CFAP276: variants seen among roughly 807,000 people sequenced by gnomAD.
CFAP276 encodes cilia and flagella associated protein 276, also known as cilia- and flagella-associated protein 276.
At chr1:109,113,415 AAAGAGAGAGAGAGAGAGAG>A in the CFAP276 span, among the ~76,000 whole-genome samples, 2 of 113,750 alleles carry the variant, frequency 1.8e-5, no homozygotes, top group African/African-American at 7.2e-5. Context: ...AGAGAGAGAG[AAAGAGAGAGAGAGAGAGAG>A]AGAGAGAGAG....
the CFAP276 span, among the ~76,000 whole-genome samples, chr1:109,113,075 A>G: frequency 6.6e-6 from 1 of 152,154 alleles, no homozygotes; most frequent in African/African-American, 2.4e-5. Context: ...TTTCAAAGCC[A>G]TGAGAGAATG....
At chr1:109,113,416 AAGAGAGAGAGAGAGAGAGAGAGAGAG>A in the CFAP276 span, among the ~76,000 whole-genome samples, 9 of 68,080 alleles carry the variant, frequency 1.3e-4, no homozygotes, top group South Asian at 2.3e-3. Flanking sequence ...GAGAGAGAGA[AAGAGAGAGAGAGAGAGAGAGAGAGAG>A]AGAGAGAGAG....
At chr1:109,109,484 T>C in the CFAP276 span, among the ~76,000 whole-genome samples, 34 of 150,052 alleles carry the variant, frequency 2.3e-4, no homozygotes, top group African/African-American at 8.1e-4. Flanking sequence ...CTATCCAACA[T>C]TGTAATCCTC....
the CFAP276 span, among the ~76,000 whole-genome samples, chr1:109,108,201 G>A: frequency 6.6e-6 from 1 of 152,096 alleles, no homozygotes; most frequent in Non-Finnish European, 1.5e-5. Context: ...GGAGTGCAGT[G>A]GCGAGATCTC....
chr1:109,113,416 AAGAGAGAG>A, the CFAP276 span, among the ~76,000 whole-genome samples: 12,810 of 67,420 alleles, frequency 0.19, 1,402 homozygotes, highest in Non-Finnish European at 0.22. Context: ...GAGAGAGAGA[AAGAGAGAG>A]AGAGAGAGAG....
At chr1:109,113,745 G>C in the CFAP276 span, 8 of 1,562,976 alleles carry the variant, frequency 5.1e-6, no homozygotes, top group Non-Finnish European at 7.0e-6. Context: ...CCCCTGGCCC[G>C]AAAGGGCAGT....
chr1:109,111,889 TGCTATTGTCG>T, the CFAP276 span, among the ~76,000 whole-genome samples: 1 of 152,356 alleles, frequency 6.6e-6, no homozygotes, highest in South Asian at 2.1e-4. Context: ...CAAGCATTTT[TGCTATTGTCG>T]GTCTCTCTTT....
chr1:109,106,657 G>A, the CFAP276 span: 1 of 1,613,780 alleles, frequency 6.2e-7, no homozygotes, highest in Non-Finnish European at 8.5e-7. Flanking sequence ...TTGGATCTTG[G>A]TTCTAGAAGA....
chr1:109,107,528 G>A, the CFAP276 span, among the ~76,000 whole-genome samples: 1 of 152,156 alleles, frequency 6.6e-6, no homozygotes, highest in Non-Finnish European at 1.5e-5. Context: ...CTTTGGATTT[G>A]GTAGGATCTT....
chr1:109,106,049 ATCTT>A, the CFAP276 span: 3 of 1,613,858 alleles, frequency 1.9e-6, no homozygotes, highest in Middle Eastern at 1.7e-4. Context: ...AGAAGCCACC[ATCTT>A]TCTTTCGGGA....
the CFAP276 span, among the ~76,000 whole-genome samples, chr1:109,109,586 G>T: frequency 1.4e-5 from 2 of 138,680 alleles, no homozygotes; most frequent in African/African-American, 5.4e-5. Context: ...GCCCAGACTG[G>T]AGTACAGTGG....
chr1:109,109,841 G>A, the CFAP276 span, among the ~76,000 whole-genome samples: 15 of 152,174 alleles, frequency 9.9e-5, no homozygotes, highest in Middle Eastern at 3.4e-3. Context: ...CCCGCTGTGA[G>A]TCATACCTTA....
chr1:109,111,472 C>CAAAAA, the CFAP276 span, among the ~76,000 whole-genome samples: 246 of 141,498 alleles, frequency 1.7e-3, 1 homozygote, highest in East Asian at 0.011. Flanking sequence ...GACCCTGTCT[C>CAAAAA]AAAAAAAAAA....
At chr1:109,107,969 G>C in the CFAP276 span, 1 of 1,602,986 alleles carries the variant, frequency 6.2e-7, no homozygotes, top group Non-Finnish European at 8.5e-7. Flanking sequence ...TAATTGTGGG[G>C]GTTGAGTTGA....
chr1:109,112,422 C>T, the CFAP276 span, among the ~76,000 whole-genome samples: 488 of 152,352 alleles, frequency 3.2e-3, 4 homozygotes, highest in African/African-American at 0.011. Flanking sequence ...AAAAACGCCT[C>T]TGAAACGTTA....
chr1:109,113,416 A>AGAGAGG, the CFAP276 span, among the ~76,000 whole-genome samples: 1 of 68,040 alleles, frequency 1.5e-5, no homozygotes, highest in South Asian at 4.6e-4. Flanking sequence ...GAGAGAGAGA[A>AGAGAGG]AGAGAGAGAG....
the CFAP276 span, among the ~76,000 whole-genome samples, chr1:109,111,472 C>CAACA: frequency 3.5e-5 from 5 of 141,478 alleles, no homozygotes; most frequent in African/African-American, 1.3e-4. Flanking sequence ...GACCCTGTCT[C>CAACA]AAAAAAAAAA....
At chr1:109,108,734 C>G in the CFAP276 span, among the ~76,000 whole-genome samples, 1 of 152,124 alleles carries the variant, frequency 6.6e-6, no homozygotes, top group Non-Finnish European at 1.5e-5. Context: ...GCTCAGAAGT[C>G]TTGGTTGTCC....
chr1:109,106,002 A>G, the CFAP276 span: 35 of 1,583,844 alleles, frequency 2.2e-5, no homozygotes, highest in Non-Finnish European at 2.9e-5. Context: ...ATGTTTCACT[A>G]TAATTAGTTC....
Sources: allele counts gnomAD v4.1 joint callset (sites outside exome capture counted in the v4.1 genomes callset), GRCh38; gene constraint gnomAD v4.1.1; transcripts MANE v1.5; gene names NCBI Gene and HGNC (gene_info 2026-07-23, HGNC 2026-07-21).